The following COPS4 variants were observed in gnomAD, a reference collection of about 807,000 sequenced individuals.
COPS4 encodes the protein COP9 signalosome subunit 4.
A neutral mutation model predicts 55.1 loss-of-function variants in COPS4; 8 were observed. The observed-to-expected ratio is 0.15, with a 90% confidence interval of 0.09 to 0.26. The LOEUF is 0.26. Among genes scored for constraint, COPS4 ranks in the 10% least tolerant of loss-of-function variants. The pLI is 1.00. For missense variants in COPS4, 248 were observed against 484.0 expected, an observed-to-expected ratio of 0.51 and a Z score of 4.58; for synonymous variants, 185 against 165.7, an observed-to-expected ratio of 1.12 and a Z score of -0.90.
At chr4:83,036,657 G>A (rs1578699444) in intron 1 of COPS4, among the ~76,000 whole-genome samples, 2 of 152,066 alleles carry the variant, frequency 1.3e-5, no homozygotes, top group African/African-American at 2.4e-5. Context: ...TAGAAAGTGC[G>A]GTAAGATTGT....
rs758209948 is a variant in COPS4 at position 83,057,234 on chromosome 4, A to AT, written c.565-22dup. ...CTCTTGCTTTTTAATTTGTCCCCTA[A>AT]TTGAAATATTTTCCCTCTGTTAGGT... On this transcript the variant is annotated intron_variant, in intron 5 of 9. Transcript: ENST00000264389. 6.4e-6 allele frequency: 10 copies of AT among 1,563,792 alleles called. No individual in the cohort carries two copies. In the East Asian group the frequency reaches 1.8e-4, roughly 28 times the overall value.
chr4:83,036,849 TG>T (rs1171250163), intron 1 of COPS4, among the ~76,000 whole-genome samples: 16 of 152,190 alleles, frequency 1.1e-4, no homozygotes, highest in African/African-American at 3.4e-4. Flanking sequence ...GAAGAATAAG[TG>T]CATTAGTTAT....
chr4:83,044,263 G>A (rs1730644635), intron 1 of COPS4, among the ~76,000 whole-genome samples: 1 of 151,362 alleles, frequency 6.6e-6, no homozygotes, highest in Non-Finnish European at 1.5e-5. Flanking sequence ...TGGCCAACAT[G>A]CGGAAACCCC....
chr4:83,073,940 G>A (rs1731502842), intron 9 of COPS4, among the ~76,000 whole-genome samples: 1 of 146,252 alleles, frequency 6.8e-6, no homozygotes, highest in South Asian at 2.2e-4. Flanking sequence ...CCAGATGACA[G>A]AGTGAGACTC....
intron 2 of COPS4, among the ~76,000 whole-genome samples, chr4:83,047,514 A>C (rs1252256277): frequency 6.6e-6 from 1 of 152,056 alleles, no homozygotes; most frequent in Non-Finnish European, 1.5e-5. Context: ...AGGTTGCATC[A>C]CTGCGCTCCA....
intron 9 of COPS4, among the ~76,000 whole-genome samples, chr4:83,070,868 T>C (rs2126135094): frequency 6.6e-6 from 1 of 152,370 alleles, no homozygotes; most frequent in East Asian, 1.9e-4. Flanking sequence ...TAGAACAAAG[T>C]TCTACAAAGT....
At chr4:83,036,698 A>G (rs906858339) in intron 1 of COPS4, among the ~76,000 whole-genome samples, 4 of 152,200 alleles carry the variant, frequency 2.6e-5, no homozygotes, top group Admixed American at 2.0e-4. Flanking sequence ...CAGTAAATAT[A>G]TATTCACTTA....
At chr4:83,054,906 G>GA (rs1730978797) in intron 4 of COPS4, among the ~76,000 whole-genome samples, 1 of 152,174 alleles carries the variant, frequency 6.6e-6, no homozygotes, top group Non-Finnish European at 1.5e-5. Flanking sequence ...GATTATGAAA[G>GA]TAATCGATAT....
chr4:83,053,914 A>T (rs1191919370), intron 4 of COPS4, among the ~76,000 whole-genome samples: 1 of 150,662 alleles, frequency 6.6e-6, no homozygotes, highest in African/African-American at 2.4e-5. Context: ...TTTAAAATTT[A>T]TAGTTCTTTA....
intron 4 of COPS4, among the ~76,000 whole-genome samples, chr4:83,052,430 G>T (rs1578710187): frequency 6.6e-6 from 1 of 152,248 alleles, no homozygotes; most frequent in East Asian, 1.9e-4. Flanking sequence ...TAGATACTTT[G>T]TTGTGGGGGC....
intron 4 of COPS4, among the ~76,000 whole-genome samples, chr4:83,056,705 A>C (rs1731023254): frequency 6.6e-6 from 1 of 152,200 alleles, no homozygotes; most frequent in South Asian, 2.1e-4. Context: ...AGGCTGAGGC[A>C]GGAGAATGGC....
At chr4:83,052,822 A>G (rs1214053872) in intron 4 of COPS4, among the ~76,000 whole-genome samples, 1 of 152,148 alleles carries the variant, frequency 6.6e-6, no homozygotes, top group Non-Finnish European at 1.5e-5. Flanking sequence ...CCAGGGCTCA[A>G]GCAATCCACC....
At chr4:83,047,566 A>G (rs1730751439) in intron 2 of COPS4, among the ~76,000 whole-genome samples, 1 of 152,090 alleles carries the variant, frequency 6.6e-6, no homozygotes, top group African/African-American at 2.4e-5. Context: ...ACAATTAAAA[A>G]ACATATATAT....
chr4:83,037,825 C>T (rs961644488), intron 1 of COPS4, among the ~76,000 whole-genome samples: 3 of 151,964 alleles, frequency 2.0e-5, no homozygotes, highest in East Asian at 1.9e-4. Context: ...GTTCAATAAA[C>T]GTGGTTGAAT....
intron 1 of COPS4, among the ~76,000 whole-genome samples, chr4:83,043,497 C>T (rs1195749429): frequency 2.6e-5 from 3 of 116,532 alleles, no homozygotes; most frequent in South Asian, 2.8e-4. Flanking sequence ...CTAGCCTGGG[C>T]GACAGAGTGA....
intron 1 of COPS4, among the ~76,000 whole-genome samples, chr4:83,040,093 A>G (rs1204403086): frequency 6.6e-6 from 1 of 152,068 alleles, no homozygotes; most frequent in Non-Finnish European, 1.5e-5. Context: ...CCTACCTTCT[A>G]GTTTATCACT....
At chr4:83,035,366 G>C (rs1405166369) in intron 1 of COPS4, 68 bp downstream of exon 1, 9 of 1,287,140 alleles carry the variant, frequency 7.0e-6, no homozygotes, top group East Asian at 6.5e-5. Flanking sequence ...AATCTCCTTA[G>C]GTTGGCCACG....
At position 83,056,992 on chromosome 4, in the gene COPS4, T is replaced by A; in HGVS notation, c.477T>A (p.Asp159Glu). 2 of 1,613,680 alleles carry A rather than the reference T, an allele frequency of 1.2e-6. No homozygotes were observed. Among genetic ancestry groups the A allele is most frequent in the Non-Finnish European group, 1.7e-6 (2 of 1,179,566 alleles). The change falls in exon 5 of 10, where the codon GAT (aspartate) becomes GAA (glutamate). Residue 159 changes from aspartate (D) to glutamate (E), a missense_variant. Physicochemically the swap from Asp to Glu is conservative, Grantham distance 45. This residue lies in a region of COPS4 where 155 missense variants were observed against 326.6 expected (regional missense o/e 0.47). Coordinates refer to ENST00000264389, the MANE Select transcript of COPS4 (RefSeq NM_016129.3). ...TTGCTAGGCTATATCTGGAGGATGA[T>A]GATCCAGTCCAGGCAGAGGCTTACA... ...LKIARLYLED[D>E]DPVQAEAYIN... is the part of the protein sequence containing the mutation.
chr4:83,046,130 A>G (rs1205100904), intron 2 of COPS4, among the ~76,000 whole-genome samples: 1 of 151,676 alleles, frequency 6.6e-6, no homozygotes, highest in Admixed American at 6.6e-5. Flanking sequence ...ACAGTACTGT[A>G]CTTTGAGAAG....
Sources: allele counts gnomAD v4.1 joint callset (sites outside exome capture counted in the v4.1 genomes callset), GRCh38; gene constraint gnomAD v4.1.1; regional missense constraint gnomAD v4.1.1; transcripts MANE v1.5; gene names NCBI Gene and HGNC (gene_info 2026-07-23, HGNC 2026-07-21).